The following UBE2R2 variants were observed in gnomAD, a reference collection of about 807,000 sequenced individuals.
The protein encoded by UBE2R2 is ubiquitin conjugating enzyme E2 R2.
UBE2R2 carries 1 observed loss-of-function variant against 27.8 expected under a neutral mutation model. The observed-to-expected ratio is 0.04, with a 90% CI of 0.01 to 0.17. The LOEUF (loss-of-function observed/expected upper bound fraction) is 0.17, where lower values mean the gene tolerates loss of function less well. Among genes scored for constraint, UBE2R2 ranks in the 10% least tolerant of loss-of-function variants. The pLI is 1.00. For missense variants in UBE2R2, 100 were observed against 291.0 expected (o/e 0.34, Z 4.78); for synonymous variants, 106 against 113.3 (o/e 0.94, Z 0.41).
At chr9:33,879,358 A>C (rs947556955) in intron 1 of UBE2R2, among the ~76,000 whole-genome samples, 1 of 152,208 alleles carries the variant, frequency 6.6e-6, no homozygotes, top group Non-Finnish European at 1.5e-5. Context: ...CTTTACTGCT[A>C]TCTGTGCTAC....
At chr9:33,816,588 G>C (rs983735329), upstream of UBE2R2, among the ~76,000 whole-genome samples, 1 of 152,240 alleles carries the variant, frequency 6.6e-6, no homozygotes, top group Admixed American at 6.5e-5. Flanking sequence ...GCCGCACCCA[G>C]GGTGAGTAAC....
At chr9:33,846,957 C>T (rs1000463257) in intron 1 of UBE2R2, among the ~76,000 whole-genome samples, 31 of 147,070 alleles carry the variant, frequency 2.1e-4, no homozygotes, top group African/African-American at 5.7e-4. Flanking sequence ...GTCAACAACC[C>T]GTCTCAGTTT....
intron 1 of UBE2R2, among the ~76,000 whole-genome samples, chr9:33,840,020 T>G (rs971718207): frequency 6.6e-6 from 1 of 152,138 alleles, no homozygotes; most frequent in Non-Finnish European, 1.5e-5. Flanking sequence ...TTCTGTTGTT[T>G]ATAAGCCACC....
chr9:33,865,532 A>G (rs2130773165), intron 1 of UBE2R2, among the ~76,000 whole-genome samples: 1 of 152,242 alleles, frequency 6.6e-6, no homozygotes, highest in South Asian at 2.1e-4. Flanking sequence ...CATTTTTAAA[A>G]TTTCTAGTTT....
intron 1 of UBE2R2, among the ~76,000 whole-genome samples, chr9:33,853,805 GTCTC>G (rs1221113231): frequency 7.2e-6 from 1 of 139,308 alleles, no homozygotes; most frequent in East Asian, 2.0e-4. Context: ...TTGAGACAGG[GTCTC>G]TCTCTGTCAC....
rs577234664 is a variant in UBE2R2, at chr9:33,817,739, C to A, written c.-19C>A. On this transcript the variant is annotated 5_prime_UTR_variant, in exon 1 of 5. Coordinates refer to ENST00000263228, the MANE Select transcript of UBE2R2 (RefSeq NM_017811.4). Reference sequence around the variant, plus strand: ...GACTGGGGCCCGGGCCCGGCGCCGCCGCCGCCGCCGCCGCCGCGATGGCCC... The same window carrying A: ...GACTGGGGCCCGGGCCCGGCGCCGCAGCCGCCGCCGCCGCCGCGATGGCCC... 4.0e-6 allele frequency: 6 copies of A among 1,504,716 alleles called. No individual in the cohort carries two copies. In the South Asian group the frequency reaches 7.3e-5, roughly 18 times the overall value. 93.2% of individuals were successfully genotyped at this position (1,504,716 alleles called of 1,614,324 possible). A position where few individuals can be genotyped will look rare whatever the true frequency, so the allele number is the denominator to read the frequency against.
chr9:33,916,702 C>G (rs748631796), intron 4 of UBE2R2, among the ~76,000 whole-genome samples: 1 of 152,212 alleles, frequency 6.6e-6, no homozygotes, highest in African/African-American at 2.4e-5. Context: ...TCTTAAGTCG[C>G]CGACCTATTG....
At chr9:33,896,834 G>A (rs1436943841) in intron 2 of UBE2R2, among the ~76,000 whole-genome samples, 1 of 134,704 alleles carries the variant, frequency 7.4e-6, no homozygotes, top group Non-Finnish European at 1.5e-5. Context: ...TCATGAAAGA[G>A]TGTTAGATTT....
At chr9:33,865,125 T>G (rs1821330794) in intron 1 of UBE2R2, among the ~76,000 whole-genome samples, 1 of 152,142 alleles carries the variant, frequency 6.6e-6, no homozygotes, top group Non-Finnish European at 1.5e-5. Flanking sequence ...CCTCCCAAAG[T>G]GCTGGGATTG....
At chr9:33,853,224 CA>C (rs71506142) in intron 1 of UBE2R2, among the ~76,000 whole-genome samples, 1,397 of 108,088 alleles carry the variant, frequency 0.013, 17 homozygotes, top group African/African-American at 0.037. Context: ...CCCTCTGTCT[CA>C]AAAAAAAAAA....
chr9:33,829,401 C>T (rs1419870595), intron 1 of UBE2R2, among the ~76,000 whole-genome samples: 4 of 152,178 alleles, frequency 2.6e-5, no homozygotes, highest in Admixed American at 2.6e-4. Flanking sequence ...AGAATGGAGG[C>T]AGCTTAAGTG....
chr9:33,860,962 T>G (rs1260494161), intron 1 of UBE2R2, among the ~76,000 whole-genome samples: 6 of 149,660 alleles, frequency 4.0e-5, no homozygotes, highest in Non-Finnish European at 5.9e-5. Context: ...TTGTTTGTTT[T>G]TTGTTTTTTT....
intron 1 of UBE2R2, among the ~76,000 whole-genome samples, chr9:33,822,174 C>T (rs1452779167): frequency 6.6e-6 from 1 of 151,220 alleles, no homozygotes. Flanking sequence ...TCACTGCAAC[C>T]TCCGCCTCCT....
At chr9:33,882,098 GGCCATTAGGA>G (rs1372118934) in intron 1 of UBE2R2, among the ~76,000 whole-genome samples, 1 of 151,902 alleles carries the variant, frequency 6.6e-6, no homozygotes, top group African/African-American at 2.4e-5. Context: ...TTCTAGTTTT[GGCCATTAGGA>G]GCTCTTGCAG....
intron 1 of UBE2R2, among the ~76,000 whole-genome samples, chr9:33,822,987 C>T (rs1441445866): frequency 6.7e-6 from 1 of 149,166 alleles, no homozygotes; most frequent in African/African-American, 2.5e-5. Context: ...TCACTGCAAC[C>T]TTTACCTCCT....
At chr9:33,840,656 G>A (rs958534635) in intron 1 of UBE2R2, among the ~76,000 whole-genome samples, 2 of 151,976 alleles carry the variant, frequency 1.3e-5, no homozygotes, top group African/African-American at 2.4e-5. Flanking sequence ...AATCATGTCC[G>A]CAGTTGTTGG....
chr9:33,846,825 T>C (rs996359726), intron 1 of UBE2R2, among the ~76,000 whole-genome samples: 1 of 152,206 alleles, frequency 6.6e-6, no homozygotes, highest in African/African-American at 2.4e-5. Flanking sequence ...ATTATTCTTT[T>C]GATTTTAACC....
chr9:33,879,418 G>C (rs1821682661), intron 1 of UBE2R2, among the ~76,000 whole-genome samples: 2 of 152,104 alleles, frequency 1.3e-5, no homozygotes, highest in African/African-American at 4.8e-5. Flanking sequence ...TTTTCATGCA[G>C]CACTGCAAAG....
chr9:33,854,734 T>TTC (rs1821060126), intron 1 of UBE2R2, among the ~76,000 whole-genome samples: 1 of 151,404 alleles, frequency 6.6e-6, no homozygotes, highest in South Asian at 2.1e-4. Flanking sequence ...TTTTTTTTTT[T>TTC]CCAAGACAGG....
Sources: allele counts gnomAD v4.1 joint callset (sites outside exome capture counted in the v4.1 genomes callset), GRCh38; gene constraint gnomAD v4.1.1; transcripts MANE v1.5; gene names NCBI Gene and HGNC (gene_info 2026-07-23, HGNC 2026-07-21).